Variants in FGFRL1 observed in about 807,000 individuals in gnomAD.
FGFRL1 encodes fibroblast growth factor receptor like 1.
Under a neutral mutation model 36.8 loss-of-function variants are expected in FGFRL1, and 24 were observed. That is an observed-to-expected ratio of 0.65 (90% confidence interval 0.47 to 0.92). The LOEUF (loss-of-function observed/expected upper bound fraction) is 0.92, where lower values mean the gene tolerates loss of function less well. Ranked by LOEUF, FGFRL1 falls within the 40% of genes least tolerant of loss-of-function variation. FGFRL1 has a pLI of 0.00. For synonymous variants in FGFRL1, 422 were observed against 344.1 expected, an observed-to-expected ratio of 1.23 and a Z score of -2.50; for missense variants, 785 against 753.4, an observed-to-expected ratio of 1.04 and a Z score of -0.49.
intron 2 of FGFRL1, among the ~76,000 whole-genome samples, chr4:1,021,751 C>T (rs1296514654): frequency 1.3e-5 from 2 of 152,120 alleles, no homozygotes; most frequent in Non-Finnish European, 2.9e-5. Flanking sequence ...CCCACCAGGC[C>T]CCCCATCCCC....
In FGFRL1 at chr4:1,025,864, T is replaced by G; in HGVS notation, c.*517T>G. 1 of 168,602 alleles carries G rather than the reference T, an allele frequency of 5.9e-6. No homozygotes were observed. Among genetic ancestry groups the G allele is most frequent in the Admixed American group, 6.1e-5 (1 of 16,404 alleles). 10.4% of individuals were successfully genotyped at this position (168,602 alleles called of 1,614,324 possible). A position where few individuals can be genotyped will look rare whatever the true frequency, so the allele number is the denominator to read the frequency against. ...GACACACACATGCACGGATATTGCC[T>G]GGACACACACACACACACGTGTGCA... On this transcript the variant is annotated 3_prime_UTR_variant, in exon 7 of 7. Coordinates refer to ENST00000510644, the MANE Select transcript of FGFRL1 (RefSeq NM_001004356.3).
At chr4:1,013,026 TGACCCCCA>T (rs1245273996) in intron 2 of FGFRL1, among the ~76,000 whole-genome samples, 25 of 152,170 alleles carry the variant, frequency 1.6e-4, no homozygotes, top group East Asian at 7.7e-4. Flanking sequence ...GGACTGAAAC[TGACCCCCA>T]GACCCCCAGT....
intron 2 of FGFRL1, among the ~76,000 whole-genome samples, chr4:1,021,344 G>T (rs925052578): frequency 2.6e-5 from 4 of 152,200 alleles, no homozygotes; most frequent in Admixed American, 2.6e-4. Context: ...TTCTGCTCCT[G>T]TGGGTTTCAC....
In FGFRL1 at chr4:1,024,919, G is replaced by T. The variant is rs773783296; in HGVS notation, c.1087G>T (p.Gly363Trp). The change falls in exon 7 of 7, where the codon GGG becomes TGG. Residue 363 changes from glycine (G) to tryptophan (W), a missense_variant. Coordinates refer to ENST00000510644, the MANE Select transcript of FGFRL1 (RefSeq NM_001004356.3). ...LTVLPDPKPP[G>W]PPVASSSSAT... The stretch of plus-strand genomic sequence containing the variant: ...CGCTCTTGCAGACCCAAAACCGCCA[G>T]GGCCACCTGTGGCCTCCTCGTCCTC... The T allele has an allele frequency of 1.9e-6, 3 of 1,594,656 alleles. No homozygotes were observed. The South Asian group carries it at 3.3e-5, about 18-fold the overall frequency.
chr4:1,024,852 T>G, intron 6 of FGFRL1, 53 bp from the exon 7 acceptor site: 1 of 1,528,298 alleles, frequency 6.5e-7, no homozygotes, highest in Non-Finnish European at 8.8e-7. Context: ...GGTGCTCTCC[T>G]GGTCTTTGTG....
chr4:1,016,098 C>T (rs1715872736), intron 2 of FGFRL1, among the ~76,000 whole-genome samples: 1 of 152,226 alleles, frequency 6.6e-6, no homozygotes, highest in South Asian at 2.1e-4. Flanking sequence ...GGGCCCCTGA[C>T]CTGGTGGTGC....
intron 2 of FGFRL1, among the ~76,000 whole-genome samples, chr4:1,015,000 C>T (rs1394490582): frequency 3.9e-5 from 6 of 152,218 alleles, no homozygotes; most frequent in Non-Finnish European, 7.3e-5. Context: ...CCCCGCGCTG[C>T]GGCCCTGTCA....
In FGFRL1 at chr4:1,025,266, C is replaced by CCA. The variant is rs145808953; in HGVS notation, c.1454_1455dup (p.Ser486ThrfsTer95). 6.9e-4 allele frequency: 937 copies of CCA among 1,357,136 alleles called. No homozygotes were observed. Among genetic ancestry groups the CCA allele is most frequent in the Admixed American group, 1.1e-3 (56 of 51,720 alleles). 84.1% of individuals were successfully genotyped at this position (1,357,136 alleles called of 1,614,324 possible). On this transcript the variant is annotated frameshift_variant, in exon 7 of 7. Transcript: ENST00000510644. LOFTEE classifies it high-confidence loss of function. The stretch of plus-strand genomic sequence containing the variant: ...TGTACCCCAAACTCTACACAGACAT[C>CCA]CACACACACACACACACACACTCTC...
intron 2 of FGFRL1, among the ~76,000 whole-genome samples, chr4:1,017,379 C>T (rs544071043): frequency 5.3e-5 from 8 of 152,288 alleles, no homozygotes; most frequent in African/African-American, 1.7e-4. Flanking sequence ...AGCTCCTCAG[C>T]GGTCAGCTCC....
chr4:1,019,962 C>T lies in FGFRL1; in HGVS notation c.80-2241C>T, dbSNP rs572466801. Among the ~76,000 whole-genome samples the T allele has an allele frequency of 2.6e-3, 401 of 152,358 alleles. 1 individual carries two copies. Among genetic ancestry groups the T allele is most frequent in the African/African-American group, 9.1e-3 (378 of 41,566 alleles). On this transcript the variant is annotated intron_variant, in intron 2 of 6. Transcript: ENST00000510644. ...GCCGTGTCTCCACTCCCAGCCCCAGCGGCCAATGATGCCTGTGGGCTCAGA... is the reference window on the plus strand; with the variant it reads ...GCCGTGTCTCCACTCCCAGCCCCAGTGGCCAATGATGCCTGTGGGCTCAGA...
At chr4:1,018,008 C>A (rs1049887535) in intron 2 of FGFRL1, among the ~76,000 whole-genome samples, 1 of 152,218 alleles carries the variant, frequency 6.6e-6, no homozygotes. Context: ...AGGACGGGCC[C>A]TTCCAGAAGA....
chr4:1,012,380 G>A, intron 1 of FGFRL1, 90 bp from the exon 2 acceptor site: 1 of 1,472,592 alleles, frequency 6.8e-7, no homozygotes, highest in Non-Finnish European at 9.1e-7. Context: ...TGGGGAGGGC[G>A]GCCAGACCCC....
Position 1,013,037 on chromosome 4 carries a change from C to T in FGFRL1, c.79+473C>T, listed in dbSNP as rs1019565257. On this transcript the variant is annotated intron_variant, in intron 2 of 6. Transcript: ENST00000510644. ...TCTGGGACTGAAACTGACCCCCAGA[C>T]CCCCAGTCCCCCAGCCGACCTAGCC... Among the ~76,000 whole-genome samples, 5 of 152,186 alleles carry T rather than the reference C, an allele frequency of 3.3e-5. No individual in the cohort carries two copies. The East Asian group carries it at 5.8e-4, about 18-fold the overall frequency.
rs924379310 is a variant in FGFRL1 at position 1,023,440 on chromosome 4, CA to C, written c.353-200del. 1.8e-4 allele frequency among the ~76,000 whole-genome samples: 28 copies of C among 152,198 alleles called. No individual in the cohort carries two copies. Among genetic ancestry groups the C allele is most frequent in the African/African-American group, 6.5e-4 (27 of 41,456 alleles). On this transcript the variant is annotated intron_variant, in intron 3 of 6. Coordinates refer to ENST00000510644, the MANE Select transcript of FGFRL1 (RefSeq NM_001004356.3). This position sits in a 1 kb window ranked among gnomAD's most constrained non-coding sequence, Gnocchi z 6.0. ...CAGCCCCACCCGTGCCCATCAGGGT[CA>C]CCTGCGCCCAGTGTGGGCCAGCGGC...
chr4:1,015,572 T>G (rs1715846243), intron 2 of FGFRL1, among the ~76,000 whole-genome samples: 2 of 152,200 alleles, frequency 1.3e-5, no homozygotes, highest in Admixed American at 1.3e-4. Context: ...GGTGGGGGTC[T>G]CCTTCCAGGT....
At chr4:1,018,657 T>C (rs1313658554) in intron 2 of FGFRL1, among the ~76,000 whole-genome samples, 5 of 152,182 alleles carry the variant, frequency 3.3e-5, no homozygotes, top group Admixed American at 3.3e-4. Flanking sequence ...CCTGTGTTTC[T>C]TCCTGGCTGC....
At chr4:1,018,309 C>T (rs1439152665) in intron 2 of FGFRL1, among the ~76,000 whole-genome samples, 8 of 152,020 alleles carry the variant, frequency 5.3e-5, no homozygotes, top group Admixed American at 5.2e-4. Context: ...TGTGGGAAGC[C>T]CCTGCTCCTC....
Position 1,025,617 on chromosome 4 carries a change from C to G in FGFRL1, c.*270C>G. On this transcript the variant is annotated 3_prime_UTR_variant, in exon 7 of 7. Coordinates refer to ENST00000510644, the MANE Select transcript of FGFRL1 (RefSeq NM_001004356.3). Reference sequence around the variant, plus strand: ...CACATGCACAGATATGCCGCCTGGGCACACAGATAAGCTGCCCAAATGCAC... The same window carrying G: ...CACATGCACAGATATGCCGCCTGGGGACACAGATAAGCTGCCCAAATGCAC... 1.8e-6 allele frequency: 1 copy of G among 556,206 alleles called. No homozygotes were observed. The highest frequency in any genetic ancestry group is 3.2e-6 in the Non-Finnish European group (1 of 314,562). 34.5% of individuals were successfully genotyped at this position (556,206 alleles called of 1,614,324 possible). A position where few individuals can be genotyped will look rare whatever the true frequency, so the allele number is the denominator to read the frequency against.
rs1560565377 is a variant in FGFRL1, at chr4:1,024,543, C to T, written c.951C>T (p.Gly317=). 2 of 1,612,478 alleles carry T rather than the reference C, an allele frequency of 1.2e-6. No homozygotes were observed. The highest frequency in any genetic ancestry group is 1.3e-5 in the African/African-American group (1 of 75,012). Residue 317 remains glycine (G), a synonymous_variant, in exon 6 of 7, where the codon GGC becomes GGT. Coordinates refer to ENST00000510644, the MANE Select transcript of FGFRL1 (RefSeq NM_001004356.3). ...GTGACGTGTGGTCGCGGCCCGACGG[C>T]TCCTACCTCAATAAGCTGCTCATCA... The part of the protein sequence containing the change: ...PTGDVWSRPD[G]SYLNKLLITR...
Sources: allele counts gnomAD v4.1 joint callset (sites outside exome capture counted in the v4.1 genomes callset), GRCh38; gene constraint gnomAD v4.1.1; non-coding constraint Gnocchi (gnomAD v3.1); transcripts MANE v1.5; gene names NCBI Gene and HGNC (gene_info 2026-07-23, HGNC 2026-07-21).